The following CWC27 variants were observed in gnomAD, a reference collection of about 807,000 sequenced individuals.
CWC27 encodes spliceosome-associated protein CWC27 homolog.
CWC27 carries 47 observed loss-of-function variants against 63.6 expected under a neutral mutation model. The observed-to-expected ratio is 0.74, with a 90% CI of 0.58 to 0.94. The LOEUF is 0.94. CWC27 is among the 40% of genes least tolerant of loss of function. CWC27 has a pLI of 0.00. For missense variants in CWC27, 495 were observed against 554.3 expected, an observed-to-expected ratio of 0.89 and a Z score of 1.07; for synonymous variants, 175 against 179.8, an observed-to-expected ratio of 0.97 and a Z score of 0.22.
rs969076289 is a variant in CWC27 at position 64,977,317 on chromosome 5, A to G, written c.1256+79A>G. The G allele has an allele frequency of 2.3e-5, 22 of 941,376 alleles. No homozygotes were observed. The Admixed American group carries it at 5.0e-4, about 21-fold the overall frequency. 58.3% of individuals were successfully genotyped at this position (941,376 alleles called of 1,614,324 possible). ...GACACTACTGGGGCATTTCCACTATATCATCCTTTTGTTTTCAGAGTTTAC... is the reference window on the plus strand; with the variant it reads ...GACACTACTGGGGCATTTCCACTATGTCATCCTTTTGTTTTCAGAGTTTAC... On this transcript the variant is annotated intron_variant, in intron 13 of 13. Coordinates refer to ENST00000381070, the MANE Select transcript of CWC27 (RefSeq NM_005869.4).
At chr5:64,875,307 T>G (rs1746770270) in intron 10 of CWC27, among the ~76,000 whole-genome samples, 1 of 152,194 alleles carries the variant, frequency 6.6e-6, no homozygotes, top group Admixed American at 6.5e-5. Flanking sequence ...TTTAGATTTC[T>G]CCTTTTCTTT....
intron 11 of CWC27, among the ~76,000 whole-genome samples, chr5:64,934,274 C>T (rs1433434843): frequency 1.3e-5 from 2 of 152,118 alleles, no homozygotes; most frequent in Admixed American, 6.5e-5. Flanking sequence ...CCCAACAGAC[C>T]CTGGTGTGTG....
At chr5:64,962,983 G>GTC (rs1390156197) in intron 11 of CWC27, among the ~76,000 whole-genome samples, 1 of 152,180 alleles carries the variant, frequency 6.6e-6, no homozygotes, top group East Asian at 1.9e-4. Flanking sequence ...GTGAGACAGA[G>GTC]TCTCTCTCTG....
At chr5:64,963,418 G>A (rs1748955962) in intron 11 of CWC27, among the ~76,000 whole-genome samples, 2 of 152,152 alleles carry the variant, frequency 1.3e-5, no homozygotes, top group South Asian at 4.1e-4. Flanking sequence ...ATATTGATTA[G>A]ATACAACTGA....
At chr5:64,807,843 C>T in intron 10 of CWC27, 1 of 1,523,528 alleles carries the variant, frequency 6.6e-7, no homozygotes, top group Non-Finnish European at 8.8e-7. Context: ...TTTCTCTTCC[C>T]CGCTTCGAGA....
intron 10 of CWC27, among the ~76,000 whole-genome samples, chr5:64,839,976 T>G (rs1022801591): frequency 2.0e-5 from 3 of 152,094 alleles, no homozygotes; most frequent in Non-Finnish European, 2.9e-5. Context: ...GCCAGAAGAC[T>G]GTAAATTATA....
intron 4 of CWC27, 34 bp downstream of exon 4, chr5:64,784,013 G>GT: frequency 6.6e-7 from 1 of 1,521,550 alleles, no homozygotes; most frequent in Non-Finnish European, 8.8e-7. Flanking sequence ...CTGTGGTTCA[G>GT]TTTTTGGTTT....
intron 7 of CWC27, among the ~76,000 whole-genome samples, chr5:64,796,955 C>T (rs1384390039): frequency 4.8e-5 from 7 of 145,798 alleles, no homozygotes; most frequent in African/African-American, 1.5e-4. Flanking sequence ...ACTTCCCCCA[C>T]CCCTTCTCCT....
chr5:65,011,555 AGAAG>A (rs1331823439), intron 13 of CWC27, among the ~76,000 whole-genome samples: 1 of 152,182 alleles, frequency 6.6e-6, no homozygotes, highest in Non-Finnish European at 1.5e-5. Context: ...ATGTGATGGG[AGAAG>A]GAGATGTAAC....
chr5:65,010,814 G>A (rs960868207), intron 13 of CWC27, among the ~76,000 whole-genome samples: 2 of 152,112 alleles, frequency 1.3e-5, no homozygotes, highest in African/African-American at 2.4e-5. Context: ...TCAGCTGTTC[G>A]AGTAACTTAT....
chr5:64,858,094 C>T (rs1255601844), intron 10 of CWC27, among the ~76,000 whole-genome samples: 1 of 118,310 alleles, frequency 8.5e-6, no homozygotes, highest in Admixed American at 1.0e-4. Flanking sequence ...GCCGAGATCG[C>T]GCCACTGCAC....
At chr5:64,779,304 A>T (rs10051232) in intron 2 of CWC27, among the ~76,000 whole-genome samples, 25,644 of 152,166 alleles carry the variant, frequency 0.17, 2,550 homozygotes, top group East Asian at 0.36. Flanking sequence ...ATGTGATTGA[A>T]TCATGACTGC....
intron 13 of CWC27, among the ~76,000 whole-genome samples, chr5:64,987,089 A>G (rs1369684758): frequency 6.6e-6 from 1 of 150,646 alleles, no homozygotes; most frequent in African/African-American, 2.4e-5. Context: ...TTTTTTTATT[A>G]TTATACTTTA....
intron 10 of CWC27, among the ~76,000 whole-genome samples, chr5:64,880,460 G>A (rs536925661): frequency 6.6e-6 from 1 of 151,956 alleles, no homozygotes; most frequent in Non-Finnish European, 1.5e-5. Context: ...AGATTATTGA[G>A]GGATAGAGGA....
chr5:64,804,115 A>T (rs113993269), intron 9 of CWC27, 114 bp from the exon 10 acceptor site: 367 of 660,236 alleles, frequency 5.6e-4, no homozygotes, highest in African/African-American at 5.4e-3. Context: ...AAAACAAAAT[A>T]AAAAAAAAAA....
chr5:64,956,399 T>C (rs1490466249), intron 11 of CWC27, among the ~76,000 whole-genome samples: 2 of 152,176 alleles, frequency 1.3e-5, no homozygotes, highest in Admixed American at 6.6e-5. Context: ...TTTCAAAGAA[T>C]AATTTTTCTC....
chr5:64,988,602 ATTTT>A (rs34138527), intron 13 of CWC27, among the ~76,000 whole-genome samples: 4 of 126,978 alleles, frequency 3.2e-5, no homozygotes, highest in Admixed American at 7.9e-5. Flanking sequence ...CTGTTAGACT[ATTTT>A]TTTTTTTTTT....
rs1236392179 is a variant in CWC27 at position 64,980,185 on chromosome 5, T to C, written c.1256+2947T>C. Reference sequence around the variant, plus strand: ...TCAGATATACACTGCCAATATTTAGTGATAGTGATGGTACCAGATTCCAGT... The same window carrying C: ...TCAGATATACACTGCCAATATTTAGCGATAGTGATGGTACCAGATTCCAGT... On this transcript the variant is annotated intron_variant, in intron 13 of 13. Transcript: ENST00000381070. Among the ~76,000 whole-genome samples the C allele has an allele frequency of 3.9e-5, 6 of 152,232 alleles. No homozygotes were observed. In the East Asian group the frequency reaches 1.2e-3, roughly 29 times the overall value.
intron 13 of CWC27, among the ~76,000 whole-genome samples, chr5:64,989,302 C>T (rs1319612096): frequency 6.6e-6 from 1 of 152,182 alleles, no homozygotes; most frequent in Non-Finnish European, 1.5e-5. Flanking sequence ...TGAGTTGTCT[C>T]AAACTGGCTT....
Sources: allele counts gnomAD v4.1 joint callset (sites outside exome capture counted in the v4.1 genomes callset), GRCh38; gene constraint gnomAD v4.1.1; transcripts MANE v1.5; gene names NCBI Gene and HGNC (gene_info 2026-07-23, HGNC 2026-07-21).